The following CCDC150 variants were observed in gnomAD, a reference collection of about 807,000 sequenced individuals.
CCDC150 encodes coiled-coil domain-containing protein 150.
Under a neutral mutation model 156.5 loss-of-function variants are expected in CCDC150, and 151 were observed. The ratio of observed to expected loss-of-function variants is 0.97; its 90% CI spans 0.85 to 1.10. The LOEUF is 1.10. CCDC150 is among the 50% of genes least tolerant of loss of function. The probability of loss-of-function intolerance (pLI) is 0.00; values close to 1 mark genes in which losing one functional copy is unlikely to be tolerated. For missense variants in CCDC150, 1,312 were observed against 1,268.1 expected, an observed-to-expected ratio of 1.03 and a Z score of -0.53; for synonymous variants, 452 against 429.4, an observed-to-expected ratio of 1.05 and a Z score of -0.65.
chr2:196,665,354 A>G (rs1658453347), intron 5 of CCDC150, among the ~76,000 whole-genome samples: 1 of 152,168 alleles, frequency 6.6e-6, no homozygotes, highest in Non-Finnish European at 1.5e-5. Flanking sequence ...CCTAAATTAT[A>G]GGAGGATGGG....
At chr2:196,720,228 A>G (rs1697800221) in intron 19 of CCDC150, 1 of 322,980 alleles carries the variant, frequency 3.1e-6, no homozygotes, top group African/African-American at 2.2e-5. Flanking sequence ...ATGTTATGAG[A>G]GAACAAGTGA....
chr2:196,641,170 G>A (rs1222414947), intron 1 of CCDC150, among the ~76,000 whole-genome samples: 7 of 151,942 alleles, frequency 4.6e-5, no homozygotes, highest in African/African-American at 1.7e-4. Flanking sequence ...AGTGAGACGG[G>A]GTTTCGCCGT....
intron 1 of CCDC150, 37 bp downstream of exon 1, chr2:196,639,815 C>T: frequency 3.2e-6 from 5 of 1,563,932 alleles, no homozygotes; most frequent in Non-Finnish European, 4.3e-6. Flanking sequence ...GAGGGGTGGT[C>T]GGAGGCTCGC....
intron 2 of CCDC150, among the ~76,000 whole-genome samples, chr2:196,651,963 T>C (rs573005333): frequency 6.6e-6 from 1 of 151,626 alleles, no homozygotes; most frequent in Admixed American, 6.6e-5. Context: ...GAGGAGGAGG[T>C]ACCAGGCCCC....
intron 21 of CCDC150, among the ~76,000 whole-genome samples, chr2:196,724,044 A>C (rs980591765): frequency 6.6e-6 from 1 of 152,184 alleles, no homozygotes; most frequent in African/African-American, 2.4e-5. Context: ...TTTAAAGATG[A>C]GGTTGGACAT....
At chr2:196,676,381 G>A (rs570625607) in intron 11 of CCDC150, 114 bp downstream of exon 11, 2 of 1,424,614 alleles carry the variant, frequency 1.4e-6, no homozygotes, top group African/African-American at 2.9e-5. Context: ...TGCATTTTTT[G>A]GGCCAGCCAC....
At chr2:196,647,902 C>A (rs1692641070) in intron 2 of CCDC150, among the ~76,000 whole-genome samples, 1 of 152,164 alleles carries the variant, frequency 6.6e-6, no homozygotes, top group African/African-American at 2.4e-5. Flanking sequence ...TCTCTTCTTT[C>A]CCTGTCCACC....
At chr2:196,678,844 T>C (rs1238875474) in intron 13 of CCDC150, among the ~76,000 whole-genome samples, 1 of 152,162 alleles carries the variant, frequency 6.6e-6, no homozygotes, top group Non-Finnish European at 1.5e-5. Context: ...AGGTGGAGGT[T>C]GCCAAGATTG....
intron 17 of CCDC150, chr2:196,713,149 C>A: frequency 2.9e-6 from 2 of 695,608 alleles, no homozygotes; most frequent in Non-Finnish European, 4.3e-6. Flanking sequence ...CGCTCTCTGA[C>A]AGGGAAGTTG....
chr2:196,688,183 T>A (rs1316546257), intron 13 of CCDC150, among the ~76,000 whole-genome samples: 1 of 152,206 alleles, frequency 6.6e-6, no homozygotes, highest in Non-Finnish European at 1.5e-5. Context: ...AATCTGTAAA[T>A]TGCTTTGGGC....
At chr2:196,710,866 GT>G (rs199830867) in intron 15 of CCDC150, among the ~76,000 whole-genome samples, 15 of 148,038 alleles carry the variant, frequency 1.0e-4, no homozygotes, top group African/African-American at 2.0e-4. Context: ...TTTAACGGTA[GT>G]TTTTTTTTTT....
At chr2:196,718,792 T>A (rs1172617427) in intron 18 of CCDC150, among the ~76,000 whole-genome samples, 161 bp downstream of exon 18, 1 of 152,206 alleles carries the variant, frequency 6.6e-6, no homozygotes. Flanking sequence ...TAGTTTAAAA[T>A]TTTTCCCTTA....
intron 1 of CCDC150, among the ~76,000 whole-genome samples, chr2:196,645,259 A>C (rs1692467072): frequency 1.3e-5 from 2 of 152,188 alleles, no homozygotes; most frequent in African/African-American, 2.4e-5. Flanking sequence ...TTGCTCCCTT[A>C]AATCCTGCCA....
chr2:196,645,254 C>T (rs1419229742), intron 1 of CCDC150, among the ~76,000 whole-genome samples: 1 of 152,206 alleles, frequency 6.6e-6, no homozygotes, highest in Non-Finnish European at 1.5e-5. Flanking sequence ...GATTCTTGCT[C>T]CCTTAAATCC....
intron 5 of CCDC150, among the ~76,000 whole-genome samples, chr2:196,662,456 C>A (rs1332378892): frequency 6.6e-6 from 1 of 152,104 alleles, no homozygotes; most frequent in Non-Finnish European, 1.5e-5. Context: ...TAGTTAGATT[C>A]TCATAAGAAG....
At chr2:196,708,549 A>G (rs1696854193) in intron 15 of CCDC150, among the ~76,000 whole-genome samples, 3 of 152,168 alleles carry the variant, frequency 2.0e-5, no homozygotes, top group African/African-American at 4.8e-5. Context: ...TCCTGTCATC[A>G]TGATGTTAGC....
chr2:196,732,602 C>G lies in CCDC150; in HGVS notation c.*40C>G, dbSNP rs778562112. On this transcript the variant is annotated 3_prime_UTR_variant, in exon 28 of 28. Transcript: ENST00000389175. Reference sequence around the variant, plus strand: ...GAGCTTCTTTATGTGTAGCTACACTCCATGATTCCAAGAGCCCAGCAGCCG... The same window carrying G: ...GAGCTTCTTTATGTGTAGCTACACTGCATGATTCCAAGAGCCCAGCAGCCG... 1 of 1,345,732 alleles carries G rather than the reference C, an allele frequency of 7.4e-7. No individual in the cohort carries two copies. The highest frequency in any genetic ancestry group is 2.3e-5 in the East Asian group (1 of 43,580). 83.4% of individuals were successfully genotyped at this position (1,345,732 alleles called of 1,614,324 possible).
At chr2:196,702,852 G>A (rs1305479269) in intron 15 of CCDC150, among the ~76,000 whole-genome samples, 2 of 152,070 alleles carry the variant, frequency 1.3e-5, no homozygotes, top group Non-Finnish European at 2.9e-5. Flanking sequence ...CTGGAGGCTG[G>A]GAAGTCCAGG....
chr2:196,732,305 A>C, intron 27 of CCDC150, 141 bp from the exon 28 acceptor site: 1 of 1,150,592 alleles, frequency 8.7e-7, no homozygotes, highest in Non-Finnish European at 1.2e-6. Context: ...TCTTTTTTTT[A>C]CAAAGTTCCA....
Sources: allele counts gnomAD v4.1 joint callset (sites outside exome capture counted in the v4.1 genomes callset), GRCh38; gene constraint gnomAD v4.1.1; transcripts MANE v1.5; gene names NCBI Gene and HGNC (gene_info 2026-07-23, HGNC 2026-07-21).